The following AADACL3 variants were observed in gnomAD, a reference collection of about 807,000 sequenced individuals.
AADACL3 encodes arylacetamide deacetylase like 3.
In AADACL3, 13 loss-of-function variants were observed where a neutral mutation model predicts 13.6. The ratio of observed to expected loss-of-function variants is 0.95; its 90% CI spans 0.62 to 1.52. AADACL3 has a LOEUF of 1.52. Ranked by LOEUF, AADACL3 falls within the 40% of genes most tolerant of loss-of-function variation. The pLI, the probability that AADACL3 is intolerant of heterozygous loss-of-function variation, is 0.00. For synonymous variants in AADACL3, 195 were observed against 197.0 expected, an observed-to-expected ratio of 0.99 and a Z score of 0.08; for missense variants, 519 against 499.2, an observed-to-expected ratio of 1.04 and a Z score of -0.38.
intron 1 of AADACL3, among the ~76,000 whole-genome samples, chr1:12,717,897 GT>G (rs1648474223): frequency 6.6e-6 from 1 of 152,012 alleles, no homozygotes; most frequent in Non-Finnish European, 1.5e-5. Flanking sequence ...TTTGGATGGG[GT>G]CAAAATTACC....
At position 12,725,540 on chromosome 1, in the gene AADACL3, C is replaced by G; in HGVS notation, c.768C>G (p.Asn256Lys). Reference protein sequence around the residue: ...WSFICYFFFQNLDFSSSWQEV... With the variant: ...WSFICYFFFQKLDFSSSWQEV... ...TCATCTGCTACTTTTTTTTTCAAAA[C>G]CTGGATTTCAGCTCCTCCTGGCAAG... The change falls in exon 4 of 4, where the codon AAC (asparagine) becomes AAG (lysine). Residue 256 changes from asparagine (N) to lysine (K), a missense_variant. Physicochemically the swap from Asn to Lys is moderately conservative, Grantham distance 94. Transcript: ENST00000359318. 6.2e-7 allele frequency: 1 copy of G among 1,613,826 alleles called. No individual in the cohort carries two copies. The highest frequency in any genetic ancestry group is 8.5e-7 in the Non-Finnish European group (1 of 1,179,958).
intron 3 of AADACL3, among the ~76,000 whole-genome samples, chr1:12,724,620 G>A (rs1214535690): frequency 1.3e-5 from 2 of 151,984 alleles, no homozygotes; most frequent in Non-Finnish European, 2.9e-5. Flanking sequence ...GAGTAGCTGG[G>A]ACTACATGTA....
chr1:12,725,884 A>G lies in AADACL3; in HGVS notation c.1112A>G (p.His371Arg), dbSNP rs775359082. 1.9e-6 allele frequency: 3 copies of G among 1,614,094 alleles called. No individual in the cohort carries two copies. Among genetic ancestry groups the G allele is most frequent in the Admixed American group, 1.7e-5 (1 of 60,004 alleles). Residue 371 changes from histidine to arginine, a missense_variant, in exon 4 of 4, where the codon CAT becomes CGT. Transcript: ENST00000359318. ...CTGGGAGTGCCCGTGACCTGGCACC[A>G]TATGGAGGATGGTTTCCATGGAGTG... ...EDLGVPVTWH[H>R]MEDGFHGVLR...
intron 1 of AADACL3, among the ~76,000 whole-genome samples, chr1:12,718,671 T>C (rs1261775057): frequency 6.6e-6 from 1 of 152,100 alleles, no homozygotes; most frequent in African/African-American, 2.4e-5. Context: ...CGGCTAATTT[T>C]TGTATTTTCA....
chr1:12,721,725 C>A (rs1190714202), intron 3 of AADACL3, among the ~76,000 whole-genome samples: 3 of 152,138 alleles, frequency 2.0e-5, no homozygotes, highest in Non-Finnish European at 4.4e-5. Context: ...CCAAGTGCTC[C>A]CAAAAGGGAG....
In AADACL3 at chr1:12,725,670, C is replaced by A. The variant is rs1247988267; in HGVS notation, c.898C>A (p.Gln300Lys). The part of the protein sequence containing the change: ...IPERFKERGY[Q>K]LKPHEPMNEA... Reference sequence around the variant, plus strand: ...TGAGAGGTTTAAGGAGAGGGGTTACCAACTGAAGCCCCATGAGCCCATGAA... The same window carrying A: ...TGAGAGGTTTAAGGAGAGGGGTTACAAACTGAAGCCCCATGAGCCCATGAA... The change falls in exon 4 of 4, where the codon CAA becomes AAA. Residue 300 changes from glutamine (Q) to lysine (K), a missense_variant. By Grantham distance (53) the Gln-to-Lys change is moderately conservative. Coordinates refer to ENST00000359318, the MANE Select transcript of AADACL3 (RefSeq NM_001103170.3). 1 of 1,613,994 alleles carries A rather than the reference C, an allele frequency of 6.2e-7. No homozygotes were observed. Among genetic ancestry groups the A allele is most frequent in the East Asian group, 2.2e-5 (1 of 44,894 alleles).
At chr1:12,716,657 GGTTT>G (rs1448078598) in intron 1 of AADACL3, among the ~76,000 whole-genome samples, 1 of 152,044 alleles carries the variant, frequency 6.6e-6, no homozygotes, top group African/African-American at 2.4e-5. Context: ...TGTTGTTGTT[GGTTT>G]GTTTTATTTT....
At position 12,719,568 on chromosome 1, in the gene AADACL3, G is replaced by T. The variant is rs1340952083; in HGVS notation, c.262G>T (p.Val88Leu). The change falls in exon 2 of 4, where the codon GTG (valine) becomes TTG (leucine). Residue 88 changes from valine (V) to leucine (L), a missense_variant. Coordinates refer to ENST00000359318, the MANE Select transcript of AADACL3 (RefSeq NM_001103170.3). ...TCCGCTAAAGTATGACCCCGATGTT[G>T]TGGTCACGGATTTCCGCTTTGGGAC... ...LPPLKYDPDVVVTDFRFGTIP... is the reference protein window; with the variant it reads ...LPPLKYDPDVLVTDFRFGTIP... 1 of 1,614,092 alleles carries T rather than the reference G, an allele frequency of 6.2e-7. No individual in the cohort carries two copies. Among genetic ancestry groups the T allele is most frequent in the Admixed American group, 1.7e-5 (1 of 60,024 alleles).
chr1:12,723,532 C>T (rs1170080955), intron 3 of AADACL3, among the ~76,000 whole-genome samples: 1 of 152,168 alleles, frequency 6.6e-6, no homozygotes, highest in African/African-American at 2.4e-5. Flanking sequence ...GGCTGGAGTA[C>T]AGTGGTGCGA....
chr1:12,725,747 C>G lies in AADACL3; in HGVS notation c.975C>G (p.Pro325=). 1.2e-6 allele frequency: 2 copies of G among 1,614,102 alleles called. No individual in the cohort carries two copies. Among genetic ancestry groups the G allele is most frequent in the South Asian group, 1.1e-5 (1 of 91,076 alleles). ...VSVVLDVMCS[P]LIAEDDIVSQ... ...TTGTCCTGGATGTGATGTGCTCGCC[C>G]CTGATTGCAGAAGATGACATAGTGT... The change falls in exon 4 of 4, where the codon CCC becomes CCG. Residue 325 remains proline, a synonymous_variant. Transcript: ENST00000359318.
In AADACL3 at chr1:12,725,354, C is replaced by T. The variant is rs370572357; in HGVS notation, c.582C>T (p.Phe194=). 4.0e-5 allele frequency: 64 copies of T among 1,613,956 alleles called. No individual in the cohort carries two copies. Among genetic ancestry groups the T allele is most frequent in the East Asian group, 1.8e-4 (8 of 44,880 alleles). The change falls in exon 4 of 4, where the codon TTC becomes TTT. Residue 194 remains phenylalanine, a synonymous_variant. Coordinates refer to ENST00000359318, the MANE Select transcript of AADACL3 (RefSeq NM_001103170.3). The part of the protein sequence containing the change: ...PARVVVCGDS[F]GGAIAAVVCQ... ...GGGTTGTGGTCTGCGGTGACAGTTTCGGAGGGGCAATAGCCGCAGTGGTTT... is the reference window on the plus strand; with the variant it reads ...GGGTTGTGGTCTGCGGTGACAGTTTTGGAGGGGCAATAGCCGCAGTGGTTT...
intron 3 of AADACL3, among the ~76,000 whole-genome samples, chr1:12,723,418 T>C (rs1385954057): frequency 6.6e-6 from 1 of 152,180 alleles, no homozygotes; most frequent in South Asian, 2.1e-4. Flanking sequence ...GGCAGCCTCA[T>C]TGAGAGCTTC....
intron 3 of AADACL3, 58 bp from the exon 4 acceptor site, chr1:12,725,163 AC>A (rs1482628259): frequency 7.3e-6 from 11 of 1,505,064 alleles, no homozygotes; most frequent in African/African-American, 1.4e-5. Context: ...AAGATGCTAG[AC>A]GCTGATATTT....
intron 2 of AADACL3, 52 bp from the exon 3 acceptor site, chr1:12,720,831 G>T: frequency 6.6e-7 from 1 of 1,520,278 alleles, no homozygotes; most frequent in South Asian, 1.1e-5. Context: ...CGGTGACAAT[G>T]GCTGGCAAAG....
chr1:12,722,550 G>A (rs1018736796), intron 3 of AADACL3, among the ~76,000 whole-genome samples: 1 of 151,928 alleles, frequency 6.6e-6, no homozygotes, highest in African/African-American at 2.4e-5. Flanking sequence ...CTAAATCCAA[G>A]GTAGACAGGA....
chr1:12,717,249 T>C (rs1240134897), intron 1 of AADACL3, among the ~76,000 whole-genome samples: 1 of 152,214 alleles, frequency 6.6e-6, no homozygotes, highest in African/African-American at 2.4e-5. Flanking sequence ...CCGGGAACTC[T>C]AGGCTTCTGA....
Position 12,725,524 on chromosome 1 carries a change from ACT to A in AADACL3, c.753_754del (p.Phe254SerfsTer22). On this transcript the variant is annotated frameshift_variant, in exon 4 of 4. Coordinates refer to ENST00000359318, the MANE Select transcript of AADACL3 (RefSeq NM_001103170.3). LOFTEE classifies it low-confidence loss of function (END_TRUNC). ...CTGCTCACCTGGAGTTTCATCTGCTACTTTTTTTTTCAAAACCTGGATTTCAG... is the reference window on the plus strand; with the variant it reads ...CTGCTCACCTGGAGTTTCATCTGCTATTTTTTTTCAAAACCTGGATTTCAG... 1.9e-6 allele frequency: 3 copies of A among 1,613,954 alleles called. No homozygotes were observed. Among genetic ancestry groups the A allele is most frequent in the Non-Finnish European group, 1.7e-6 (2 of 1,179,990 alleles).
intron 1 of AADACL3, among the ~76,000 whole-genome samples, chr1:12,716,986 C>T (rs545867734): frequency 8.5e-5 from 13 of 152,338 alleles, no homozygotes; most frequent in Non-Finnish European, 1.5e-4. Flanking sequence ...TAGTTTGGTT[C>T]TGCTTCTGGT....
rs1440876563 is a variant in AADACL3, at chr1:12,727,797, CGCCTCTGAGACAA to C, written c.*1811_*1823del. On this transcript the variant is annotated 3_prime_UTR_variant, in exon 4 of 4. Coordinates refer to ENST00000359318, the MANE Select transcript of AADACL3 (RefSeq NM_001103170.3). ...GGCACTGGAGTCCAATGGGTGAGGC[CGCCTCTGAGACAA>C]GCCTCTGAGTTGAGGCTGGGAGAGG... 1.2e-4 allele frequency: 18 copies of C among 152,200 alleles called. No homozygotes were observed. Among genetic ancestry groups the C allele is most frequent in the Non-Finnish European group, 2.5e-4 (17 of 68,050 alleles). 9.4% of individuals were successfully genotyped at this position (152,200 alleles called of 1,614,324 possible). A position where few individuals can be genotyped will look rare whatever the true frequency, so the allele number is the denominator to read the frequency against.
Sources: gnomAD v4.1 joint callset for allele counts (sites outside exome capture counted in the v4.1 genomes callset) on GRCh38, gnomAD v4.1.1 for gene constraint, MANE v1.5 for transcripts, NCBI Gene and HGNC (gene_info 2026-07-23, HGNC 2026-07-21) for gene names.